Variants in MAGI2 observed in about 807,000 individuals in gnomAD.
MAGI2 encodes membrane associated guanylate kinase, WW and PDZ domain containing 2.
MAGI2 carries 35 observed loss-of-function variants against 133.3 expected under a neutral mutation model. The observed-to-expected ratio is 0.26, with a 90% CI of 0.20 to 0.35. The LOEUF (loss-of-function observed/expected upper bound fraction) is 0.35. MAGI2 is among the 10% of genes least tolerant of loss of function. MAGI2 has a pLI of 1.00. For missense variants in MAGI2, 1,636 were observed against 1,863.4 expected (o/e 0.88, Z 2.25); for synonymous variants, 729 against 710.6 (o/e 1.03, Z -0.41).
intron 9 of MAGI2, among the ~76,000 whole-genome samples, chr7:78,340,023 TTTTG>T (rs1790190572): frequency 6.6e-6 from 1 of 152,192 alleles, no homozygotes; most frequent in African/African-American, 2.4e-5. Context: ...CCTCAATTTT[TTTTG>T]TTTCTCTATA....
chr7:78,763,635 G>A (rs1051702193), intron 2 of MAGI2, among the ~76,000 whole-genome samples: 2 of 152,144 alleles, frequency 1.3e-5, no homozygotes, highest in Non-Finnish European at 2.9e-5. Flanking sequence ...TAGCTGGCAA[G>A]AAGGCCTAAG....
At chr7:79,385,757 G>A (rs900895122) in intron 1 of MAGI2, among the ~76,000 whole-genome samples, 1 of 151,842 alleles carries the variant, frequency 6.6e-6, no homozygotes, top group African/African-American at 2.4e-5. Context: ...GACAAGTTTA[G>A]AGATCTAACA....
chr7:78,504,168 T>G (rs763652722), intron 4 of MAGI2, among the ~76,000 whole-genome samples: 13 of 151,986 alleles, frequency 8.6e-5, no homozygotes, highest in Non-Finnish European at 1.8e-4. Context: ...GGAGAAAAGG[T>G]AGGAAAATAG....
intron 6 of MAGI2, among the ~76,000 whole-genome samples, chr7:78,435,618 G>A (rs1800212498): frequency 6.6e-6 from 1 of 152,078 alleles, no homozygotes; most frequent in South Asian, 2.1e-4. Context: ...CATGCCTGCA[G>A]GCACCAAAGC....
At chr7:79,252,587 A>C (rs1833390202) in intron 1 of MAGI2, among the ~76,000 whole-genome samples, 1 of 152,188 alleles carries the variant, frequency 6.6e-6, no homozygotes, top group Admixed American at 6.5e-5. Context: ...TACATTTAGA[A>C]ATAAATAAAA....
chr7:78,534,471 ATATG>A (rs1797718545), intron 3 of MAGI2, among the ~76,000 whole-genome samples: 1 of 152,192 alleles, frequency 6.6e-6, no homozygotes, highest in Non-Finnish European at 1.5e-5. Flanking sequence ...GTTTGTATAT[ATATG>A]TGTGTGTGCG....
chr7:78,592,402 G>A (rs1033646311), intron 3 of MAGI2, among the ~76,000 whole-genome samples: 41 of 150,344 alleles, frequency 2.7e-4, no homozygotes, highest in Non-Finnish European at 3.5e-4. Flanking sequence ...AGGCCATTCA[G>A]TATCTGTCCC....
chr7:78,288,712 C>CT (rs1402044234), intron 9 of MAGI2, among the ~76,000 whole-genome samples: 1 of 152,236 alleles, frequency 6.6e-6, no homozygotes, highest in African/African-American at 2.4e-5. Flanking sequence ...TAGGGGCTGA[C>CT]TGGCACCTCG....
At chr7:78,429,261 C>A (rs1799565506) in intron 6 of MAGI2, among the ~76,000 whole-genome samples, 3 of 146,260 alleles carry the variant, frequency 2.1e-5, no homozygotes, top group Non-Finnish European at 4.5e-5. Flanking sequence ...CCCATCCCCT[C>A]CTCATTGTTT....
chr7:78,261,799 C>A (rs1164544388), intron 9 of MAGI2, among the ~76,000 whole-genome samples: 1 of 152,096 alleles, frequency 6.6e-6, no homozygotes, highest in African/African-American at 2.4e-5. Flanking sequence ...TTTTCTGCAG[C>A]TTATATTAAT....
intron 2 of MAGI2, among the ~76,000 whole-genome samples, chr7:78,859,986 A>C (rs1180374751): frequency 6.6e-6 from 1 of 151,888 alleles, no homozygotes; most frequent in Non-Finnish European, 1.5e-5. Flanking sequence ...CATTTCATTC[A>C]TTTGATCTTC....
At chr7:79,332,404 T>C (rs1840148459) in intron 1 of MAGI2, among the ~76,000 whole-genome samples, 2 of 152,334 alleles carry the variant, frequency 1.3e-5, no homozygotes, top group Middle Eastern at 3.4e-3. Flanking sequence ...AGTAGGCAGA[T>C]ACTGTGTTCT....
intron 6 of MAGI2, among the ~76,000 whole-genome samples, chr7:78,393,780 C>T (rs927023285): frequency 1.3e-5 from 2 of 152,044 alleles, no homozygotes; most frequent in Admixed American, 1.3e-4. Flanking sequence ...ACGACATTGC[C>T]TAAGGGATGA....
chr7:79,377,614 T>C (rs1843466179), intron 1 of MAGI2, among the ~76,000 whole-genome samples: 1 of 151,730 alleles, frequency 6.6e-6, no homozygotes, highest in South Asian at 2.1e-4. Flanking sequence ...CAATCAAGCA[T>C]AAGATGGACA....
chr7:79,333,104 T>A (rs1016640016), intron 1 of MAGI2, among the ~76,000 whole-genome samples: 5 of 152,278 alleles, frequency 3.3e-5, no homozygotes, highest in Middle Eastern at 6.8e-3. Flanking sequence ...TTACTTTAGA[T>A]ACAGTGGTTT....
intron 3 of MAGI2, among the ~76,000 whole-genome samples, chr7:78,600,110 T>C (rs908768370): frequency 6.6e-6 from 1 of 152,144 alleles, no homozygotes; most frequent in Non-Finnish European, 1.5e-5. Context: ...TTTGTAAATA[T>C]CTCCATAAGT....
rs1166593558 is a variant in MAGI2 at position 78,663,946 on chromosome 7, T to C, written c.419-36707A>G. ...AGCCACCAGCAGCACATATAATACATTGCAACATTTTTTTGACATTTTCAT... is the reference window on the plus strand; with the variant it reads ...AGCCACCAGCAGCACATATAATACACTGCAACATTTTTTTGACATTTTCAT... On this transcript the variant is annotated intron_variant, in intron 2 of 21. Transcript: ENST00000354212. Among the ~76,000 whole-genome samples the C allele has an allele frequency of 2.6e-5, 4 of 152,226 alleles. No homozygotes were observed. The East Asian group carries it at 5.8e-4, about 22-fold the overall frequency.
intron 3 of MAGI2, among the ~76,000 whole-genome samples, chr7:78,603,184 T>C (rs1368497686): frequency 6.6e-6 from 1 of 152,184 alleles, no homozygotes; most frequent in African/African-American, 2.4e-5. Context: ...CTAAAATCTT[T>C]CACAAAATTT....
intron 2 of MAGI2, among the ~76,000 whole-genome samples, chr7:78,725,669 G>A (rs142535723): frequency 0.011 from 1,703 of 152,310 alleles, 33 homozygotes; most frequent in African/African-American, 0.039. Flanking sequence ...CGTGGTGGCA[G>A]GCGCCTGTAG....
Sources: allele counts gnomAD v4.1 joint callset (sites outside exome capture counted in the v4.1 genomes callset), GRCh38; gene constraint gnomAD v4.1.1; transcripts MANE v1.5; gene names NCBI Gene and HGNC (gene_info 2026-07-23, HGNC 2026-07-21).